Variants in PAK2 observed in about 807,000 individuals in gnomAD.
PAK2 encodes p21 (RAC1) activated kinase 2, also known as serine/threonine-protein kinase PAK 2.
Under a neutral mutation model 65.9 loss-of-function variants are expected in PAK2, and 21 were observed. That is an observed-to-expected ratio of 0.32 (90% confidence interval 0.23 to 0.46). The LOEUF is 0.46. Ranked by LOEUF, PAK2 falls within the 20% of genes least tolerant of loss-of-function variation. The pLI is 1.00. For missense variants in PAK2, 324 were observed against 642.6 expected (o/e 0.50, Z 5.36); for synonymous variants, 204 against 219.7 (o/e 0.93, Z 0.63).
At chr3:196,748,074 A>G (rs1479959764) in intron 1 of PAK2, among the ~76,000 whole-genome samples, 1 of 152,160 alleles carries the variant, frequency 6.6e-6, no homozygotes, top group Non-Finnish European at 1.5e-5. Context: ...TCTGTTTTAC[A>G]GAGCTTTGAA....
intron 1 of PAK2, among the ~76,000 whole-genome samples, chr3:196,775,558 T>A (rs1714510638): frequency 6.6e-6 from 1 of 151,980 alleles, no homozygotes; most frequent in African/African-American, 2.4e-5. Flanking sequence ...AATTTTTGTA[T>A]TTTTAGTAGA....
intron 1 of PAK2, among the ~76,000 whole-genome samples, chr3:196,766,394 T>G (rs1714170236): frequency 6.6e-6 from 1 of 152,142 alleles, no homozygotes; most frequent in Non-Finnish European, 1.5e-5. Context: ...ATACAAAAAG[T>G]TACCATTATA....
intron 12 of PAK2, among the ~76,000 whole-genome samples, chr3:196,819,908 T>C (rs1395254568): frequency 6.6e-6 from 1 of 152,116 alleles, no homozygotes. Flanking sequence ...GAGGCCAAGG[T>C]GGGAAGATCC....
At position 196,814,496 on chromosome 3, in the gene PAK2, T is replaced by TG; in HGVS notation, c.987dup (p.Ser330ValfsTer4). 3.2e-6 allele frequency: 5 copies of TG among 1,550,646 alleles called. No homozygotes were observed. Among genetic ancestry groups the TG allele is most frequent in the Non-Finnish European group, 4.4e-6 (5 of 1,127,942 alleles). On this transcript the variant is annotated frameshift_variant, in exon 11 of 15. Coordinates refer to ENST00000327134, the MANE Select transcript of PAK2 (RefSeq NM_002577.4). LOFTEE classifies it high-confidence loss of function. The stretch of plus-strand genomic sequence containing the variant: ...TGTTTGTGGTCATGGAATACCTTGC[T>TG]GGGGGGTCACTCACTGATGTGGTAA...
chr3:196,795,993 T>C (rs1715246740), intron 2 of PAK2, among the ~76,000 whole-genome samples: 1 of 152,228 alleles, frequency 6.6e-6, no homozygotes, highest in Admixed American at 6.5e-5. Context: ...TAGATTCTCA[T>C]AAGAAGCGCA....
chr3:196,823,197 C>T (rs1711709920), intron 13 of PAK2, among the ~76,000 whole-genome samples: 1 of 152,078 alleles, frequency 6.6e-6, no homozygotes, highest in Non-Finnish European at 1.5e-5. Flanking sequence ...TAGACCAGGG[C>T]AGTATCAGTG....
At chr3:196,792,111 T>A (rs1240146882) in intron 2 of PAK2, among the ~76,000 whole-genome samples, 1 of 152,120 alleles carries the variant, frequency 6.6e-6, no homozygotes, top group African/African-American at 2.4e-5. Context: ...CTCGGACCAG[T>A]CATCTGTGAC....
rs9222 is a variant in PAK2, at chr3:196,829,612, G to A, written c.*1207G>A. 40,682 of 152,072 alleles carry A rather than the reference G, an allele frequency of 0.27. 5,729 individuals are homozygous for A. Among genetic ancestry groups the A allele is most frequent in the Middle Eastern group, 0.44 (130 of 294 alleles). 9.4% of individuals were successfully genotyped at this position (152,072 alleles called of 1,614,324 possible). A position where few individuals can be genotyped will look rare whatever the true frequency, so the allele number is the denominator to read the frequency against. ...ACAGAGAAGCAGCCGATAGCAAATC[G>A]ACTGTAGAGACTTGGCGGCGGTGGC... On this transcript the variant is annotated 3_prime_UTR_variant, in exon 15 of 15. Transcript: ENST00000327134.
In PAK2 at chr3:196,778,001, CG is replaced by C. The variant is rs1180265603; in HGVS notation, c.-21-4624del. ...CACTGTCTTCATACCGGAACATTTG[CG>C]TCCCCCAGAGAAACTTGATACCCAT... On this transcript the variant is annotated intron_variant, in intron 1 of 14. Coordinates refer to ENST00000327134, the MANE Select transcript of PAK2 (RefSeq NM_002577.4). Among the ~76,000 whole-genome samples the C allele has an allele frequency of 3.6e-4, 55 of 152,130 alleles. 1 individual carries two copies. Among genetic ancestry groups the C allele is most frequent in the African/African-American group, 1.3e-3 (54 of 41,418 alleles).
intron 2 of PAK2, among the ~76,000 whole-genome samples, chr3:196,789,841 T>G (rs552331917): frequency 6.6e-6 from 1 of 152,278 alleles, no homozygotes; most frequent in South Asian, 2.1e-4. Context: ...CATCAGACAT[T>G]AGTTAGATTC....
At chr3:196,781,510 G>T (rs528776833) in intron 1 of PAK2, among the ~76,000 whole-genome samples, 1 of 152,198 alleles carries the variant, frequency 6.6e-6, no homozygotes, top group Non-Finnish European at 1.5e-5. Flanking sequence ...CCTGAGGGAT[G>T]TGGCCACACT....
At chr3:196,787,712 T>C (rs34087742) in intron 2 of PAK2, among the ~76,000 whole-genome samples, 45,813 of 152,054 alleles carry the variant, frequency 0.3, 7,706 homozygotes, top group African/African-American at 0.43. Context: ...TTTAGTTGCA[T>C]GTCGTTTTCA....
At chr3:196,772,464 C>T (rs909387564) in intron 1 of PAK2, among the ~76,000 whole-genome samples, 1 of 152,180 alleles carries the variant, frequency 6.6e-6, no homozygotes, top group Non-Finnish European at 1.5e-5. Context: ...AGACTTGATA[C>T]GTTATCCAGA....
At chr3:196,762,103 G>A (rs1180680209) in intron 1 of PAK2, among the ~76,000 whole-genome samples, 8 of 134,014 alleles carry the variant, frequency 6.0e-5, no homozygotes, top group Non-Finnish European at 1.2e-4. Flanking sequence ...CAGATGGGGC[G>A]GCGGGGCAGA....
chr3:196,758,695 C>T (rs1343055328), intron 1 of PAK2, among the ~76,000 whole-genome samples: 2 of 152,066 alleles, frequency 1.3e-5, no homozygotes, highest in African/African-American at 4.8e-5. Context: ...CGCTCTACTG[C>T]CCAGGGTGGA....
chr3:196,800,454 T>TC (rs751641716), intron 2 of PAK2, among the ~76,000 whole-genome samples: 101 of 152,266 alleles, frequency 6.6e-4, no homozygotes, highest in Non-Finnish European at 1.3e-3. Flanking sequence ...CCAATTCTAG[T>TC]CAGAATTCCA....
intron 1 of PAK2, among the ~76,000 whole-genome samples, chr3:196,771,158 A>G (rs548500901): frequency 7.2e-5 from 11 of 152,194 alleles, no homozygotes; most frequent in Admixed American, 3.9e-4. Context: ...CATTCTTAAA[A>G]AATAGTTTTG....
At chr3:196,762,181 T>C (rs7646156) in intron 1 of PAK2, among the ~76,000 whole-genome samples, 38,532 of 82,670 alleles carry the variant, frequency 0.47, 14,038 homozygotes, top group East Asian at 0.6. Flanking sequence ...GATGGGATGG[T>C]GGCCGGGCGC....
intron 11 of PAK2, among the ~76,000 whole-genome samples, chr3:196,814,981 C>T (rs1447502692): frequency 3.3e-5 from 5 of 150,910 alleles, no homozygotes; most frequent in Middle Eastern, 3.6e-3. Flanking sequence ...AGATCGAGAC[C>T]ATCCTGGCTA....
Sources: gnomAD v4.1 joint callset for allele counts (sites outside exome capture counted in the v4.1 genomes callset) on GRCh38, gnomAD v4.1.1 for gene constraint, MANE v1.5 for transcripts, NCBI Gene and HGNC (gene_info 2026-07-23, HGNC 2026-07-21) for gene names.